MOBP: variants seen among roughly 807,000 people sequenced by gnomAD.
MOBP encodes the protein myelin-associated oligodendrocyte basic protein.
MOBP carries 5 observed loss-of-function variants against 15.0 expected under a neutral mutation model. That is an observed-to-expected ratio of 0.33 (90% CI 0.17 to 0.70). MOBP has a LOEUF of 0.70. Among genes scored for constraint, MOBP ranks in the 30% least tolerant of loss-of-function variants. MOBP has a pLI of 0.67. For synonymous variants in MOBP, 88 were observed against 99.0 expected, an observed-to-expected ratio of 0.89 and a Z score of 0.66; for missense variants, 188 against 257.8, an observed-to-expected ratio of 0.73 and a Z score of 1.85.
intron 2 of MOBP, among the ~76,000 whole-genome samples, chr3:39,496,023 G>T (rs1307881446): frequency 6.6e-6 from 1 of 151,798 alleles, no homozygotes; most frequent in Non-Finnish European, 1.5e-5. Context: ...AACTTGAAAA[G>T]TGAATGATTT....
intron 1 of MOBP, among the ~76,000 whole-genome samples, chr3:39,479,577 A>C (rs2042597535): frequency 6.6e-6 from 1 of 152,172 alleles, no homozygotes; most frequent in South Asian, 2.1e-4. Context: ...CAGCACAAAG[A>C]ACACATCTCT....
At chr3:39,501,567 G>A (rs1260315465) in intron 2 of MOBP, among the ~76,000 whole-genome samples, 1 of 152,128 alleles carries the variant, frequency 6.6e-6, no homozygotes, top group Non-Finnish European at 1.5e-5. Context: ...GACTTCTTTT[G>A]TTCAATGGTA....
At chr3:39,521,073 C>T (rs557154220) in intron 3 of MOBP, among the ~76,000 whole-genome samples, 101 of 152,122 alleles carry the variant, frequency 6.6e-4, no homozygotes, top group Non-Finnish European at 1.2e-3. Flanking sequence ...CCTCAGCTCC[C>T]GAGGAGCTGG....
chr3:39,523,800 T>C (rs1310433951), intron 3 of MOBP, among the ~76,000 whole-genome samples: 1 of 151,914 alleles, frequency 6.6e-6, no homozygotes, highest in East Asian at 1.9e-4. Flanking sequence ...AGACATGGAG[T>C]TATGTAACAA....
chr3:39,472,849 C>G (rs917505168), intron 1 of MOBP, among the ~76,000 whole-genome samples: 6 of 152,174 alleles, frequency 3.9e-5, no homozygotes, highest in African/African-American at 1.4e-4. Context: ...TCATTTAAGC[C>G]TGGGAGGTCA....
chr3:39,513,082 T>G (rs951788111), intron 4 of MOBP, among the ~76,000 whole-genome samples: 1 of 152,230 alleles, frequency 6.6e-6, no homozygotes, highest in Non-Finnish European at 1.5e-5. Flanking sequence ...GTACTTTAAT[T>G]TCCTTTGTGT....
intron 1 of MOBP, among the ~76,000 whole-genome samples, chr3:39,469,180 G>A (rs28829975): frequency 0.56 from 23,041 of 40,892 alleles, 7,419 homozygotes; most frequent in African/African-American, 0.75. Flanking sequence ...ATATATACAT[G>A]TGTGTGTGTG....
chr3:39,514,751 T>G (rs2043174075), exon 5 of MOBP: 1 of 152,410 alleles, frequency 6.6e-6, no homozygotes, highest in African/African-American at 2.4e-5. Context: ...TTCTCTCTGT[T>G]TTTCTCCCAC....
At chr3:39,501,152 G>T (rs2042964233) in intron 2 of MOBP, among the ~76,000 whole-genome samples, 1 of 152,174 alleles carries the variant, frequency 6.6e-6, no homozygotes, top group Admixed American at 6.5e-5. Flanking sequence ...TGTCTTCAAG[G>T]AATCCATCCT....
At chr3:39,507,070 G>A (rs865798130), downstream of MOBP, among the ~76,000 whole-genome samples, 1 of 152,122 alleles carries the variant, frequency 6.6e-6, no homozygotes, top group Admixed American at 6.6e-5. Context: ...GTTCCCTACT[G>A]AGCTCTCTGC....
At chr3:39,506,308 A>G (rs747801646), downstream of MOBP, among the ~76,000 whole-genome samples, 2 of 152,034 alleles carry the variant, frequency 1.3e-5, no homozygotes, top group East Asian at 1.9e-4. Flanking sequence ...TTGCTCTTCA[A>G]TTCATTGTGT....
At chr3:39,493,080 G>A (rs966100285) in intron 2 of MOBP, among the ~76,000 whole-genome samples, 1 of 152,130 alleles carries the variant, frequency 6.6e-6, no homozygotes, top group East Asian at 1.9e-4. Flanking sequence ...CCAGAATTGA[G>A]GGCCACCTGT....
At chr3:39,494,445 A>G (rs1418169970) in intron 2 of MOBP, among the ~76,000 whole-genome samples, 1 of 151,776 alleles carries the variant, frequency 6.6e-6, no homozygotes, top group Non-Finnish European at 1.5e-5. Flanking sequence ...CCTGGAGAAG[A>G]TTATATTTTG....
chr3:39,502,114 C>T lies in MOBP; in HGVS notation c.45C>T (p.Asn15=), dbSNP rs1221593444. The T allele has an allele frequency of 1.2e-6, 2 of 1,614,074 alleles. No homozygotes were observed. The highest frequency in any genetic ancestry group is 1.7e-6 in the Non-Finnish European group (2 of 1,180,042). Residue 15 remains asparagine, a synonymous_variant, in exon 3 of 4, where the codon AAC becomes AAT. Transcript: ENST00000684792. This position sits in a 1 kb window ranked among gnomAD's most constrained non-coding sequence, Gnocchi z 6.3. ...PAKEGPRLSK[N]QKYSEHFSIH... ...AGGAGGGTCCCAGACTCTCCAAAAA[C>T]CAGAAGTACTCCGAACACTTCAGCA...
At chr3:39,481,428 C>G (rs376858230) in intron 2 of MOBP, among the ~76,000 whole-genome samples, 9 of 152,222 alleles carry the variant, frequency 5.9e-5, no homozygotes, top group African/African-American at 2.2e-4. Context: ...GTGCTCTGCA[C>G]TCTAGCTCCT....
At chr3:39,508,095 G>A (rs746637527) in intron 4 of MOBP, among the ~76,000 whole-genome samples, 7 of 152,176 alleles carry the variant, frequency 4.6e-5, no homozygotes, top group Non-Finnish European at 1.5e-5. Context: ...TAGTAGCTGG[G>A]TATAAGCAGA....
chr3:39,513,597 C>T, exon 5 of MOBP: 1 of 661,430 alleles, frequency 1.5e-6, no homozygotes, highest in Non-Finnish European at 2.6e-6. Context: ...TCAGGGCAGC[C>T]TGCCTGGAGG....
chr3:39,490,630 T>C (rs1340057600), intron 2 of MOBP, among the ~76,000 whole-genome samples: 1 of 152,198 alleles, frequency 6.6e-6, no homozygotes, highest in Non-Finnish European at 1.5e-5. Context: ...TGGCGTGATC[T>C]TGGCTCACTG....
At chr3:39,503,834 A>G (rs2043013072), downstream of MOBP, among the ~76,000 whole-genome samples, 1 of 152,120 alleles carries the variant, frequency 6.6e-6, no homozygotes, top group African/African-American at 2.4e-5. Context: ...TACTATGTGT[A>G]GGTATCACAT....
Sources: allele counts gnomAD v4.1 joint callset (sites outside exome capture counted in the v4.1 genomes callset), GRCh38; gene constraint gnomAD v4.1.1; non-coding constraint Gnocchi (gnomAD v3.1); transcripts MANE v1.5; gene names NCBI Gene and HGNC (gene_info 2026-07-23, HGNC 2026-07-21).